The following EXOC6B variants were observed in gnomAD, a reference collection of about 807,000 sequenced individuals.
EXOC6B encodes SEC15 homolog B.
Under a neutral mutation model 113.5 loss-of-function variants are expected in EXOC6B, and 54 were observed. That is an observed-to-expected ratio of 0.48 (90% CI 0.38 to 0.60). The LOEUF is 0.60. Ranked by LOEUF, EXOC6B falls within the 20% of genes least tolerant of loss-of-function variation. EXOC6B has a pLI of 0.00. For synonymous variants in EXOC6B, 357 were observed against 339.0 expected (o/e 1.05, Z -0.58); for missense variants, 797 against 977.5 (o/e 0.82, Z 2.46).
chr2:72,215,062 A>T (rs1680437274), intron 20 of EXOC6B, among the ~76,000 whole-genome samples: 1 of 152,168 alleles, frequency 6.6e-6, no homozygotes, highest in Non-Finnish European at 1.5e-5. Context: ...TATATTGGAA[A>T]TGGGGAGCAA....
In EXOC6B at chr2:72,589,016, TA is replaced by T. The variant is rs559919311; in HGVS notation, c.670-13349del. On this transcript the variant is annotated intron_variant, in intron 6 of 21. Transcript: ENST00000272427. ...TAGGAAAGTAAAAAATTAAAAGAAT[TA>T]CTATGAAGAAACAAAAGGCAGTGAC... Among the ~76,000 whole-genome samples, 221 of 152,016 alleles carry T rather than the reference TA, an allele frequency of 1.5e-3. 2 individuals are homozygous for T. Among genetic ancestry groups the T allele is most frequent in the African/African-American group, 5.1e-3 (211 of 41,526 alleles).
At chr2:72,753,974 C>G (rs952670906) in intron 1 of EXOC6B, among the ~76,000 whole-genome samples, 2 of 152,146 alleles carry the variant, frequency 1.3e-5, no homozygotes, top group African/African-American at 2.4e-5. Context: ...GACAGGGTCT[C>G]ACTCTGTGTC....
chr2:72,594,632 A>C (rs989502283), intron 6 of EXOC6B, among the ~76,000 whole-genome samples: 1 of 152,174 alleles, frequency 6.6e-6, no homozygotes, highest in African/African-American at 2.4e-5. Flanking sequence ...ATTACTGCCA[A>C]CTTATTCATT....
At chr2:72,261,098 T>C (rs1683685318) in intron 20 of EXOC6B, among the ~76,000 whole-genome samples, 1 of 151,996 alleles carries the variant, frequency 6.6e-6, no homozygotes, top group East Asian at 1.9e-4. Flanking sequence ...AAGTAATCAC[T>C]CCAAATGACC....
At chr2:72,485,392 T>G (rs1456932144) in intron 16 of EXOC6B, among the ~76,000 whole-genome samples, 1 of 152,180 alleles carries the variant, frequency 6.6e-6, no homozygotes, top group Non-Finnish European at 1.5e-5. Flanking sequence ...AAATGAGAAG[T>G]CACACTCTTC....
At chr2:72,513,308 T>C in intron 10 of EXOC6B, 56 bp from the exon 11 acceptor site, 2 of 1,598,146 alleles carry the variant, frequency 1.3e-6, no homozygotes, top group Non-Finnish European at 1.7e-6. Flanking sequence ...TTTATTACTC[T>C]CTCTGGGGTT....
chr2:72,463,356 T>C (rs923616853), intron 18 of EXOC6B: 1 of 151,960 alleles, frequency 6.6e-6, no homozygotes, highest in East Asian at 1.9e-4. Context: ...GTAAAACATG[T>C]AGAAAAAACA....
chr2:72,808,830 T>C (rs1490566293), intron 1 of EXOC6B, among the ~76,000 whole-genome samples: 3 of 151,970 alleles, frequency 2.0e-5, no homozygotes, highest in African/African-American at 7.3e-5. Flanking sequence ...TCCAACACTT[T>C]GGGAGGCAGA....
chr2:72,336,603 T>C (rs1171941326), intron 19 of EXOC6B, among the ~76,000 whole-genome samples: 1 of 152,256 alleles, frequency 6.6e-6, no homozygotes, highest in Non-Finnish European at 1.5e-5. Flanking sequence ...ATAAATTATA[T>C]GGCATGCTTG....
chr2:72,799,766 C>G (rs1367579557), intron 1 of EXOC6B, among the ~76,000 whole-genome samples: 2 of 152,058 alleles, frequency 1.3e-5, no homozygotes, highest in East Asian at 3.9e-4. Context: ...CAAAGTTTCT[C>G]ACTATTTTAA....
intron 6 of EXOC6B, among the ~76,000 whole-genome samples, chr2:72,647,775 T>C (rs552543821): frequency 6.6e-6 from 1 of 152,144 alleles, no homozygotes; most frequent in Non-Finnish European, 1.5e-5. Flanking sequence ...ATACAAAAAT[T>C]AATTCAAGAT....
chr2:72,357,689 TA>T (rs148273222), intron 19 of EXOC6B, among the ~76,000 whole-genome samples: 136 of 146,440 alleles, frequency 9.3e-4, no homozygotes, highest in East Asian at 1.8e-3. Context: ...AGACTGCCTT[TA>T]AAAAAAAAAA....
chr2:72,551,591 G>A (rs11903526), intron 8 of EXOC6B, among the ~76,000 whole-genome samples: 1,709 of 150,266 alleles, frequency 0.011, 42 homozygotes, highest in African/African-American at 0.04. Flanking sequence ...TGCAAGCTCC[G>A]CCTCCCGGGT....
chr2:72,647,990 G>A (rs1673864468), intron 6 of EXOC6B, among the ~76,000 whole-genome samples: 1 of 152,122 alleles, frequency 6.6e-6, no homozygotes, highest in African/African-American at 2.4e-5. Flanking sequence ...AGAGTGAACA[G>A]GAAACCTACA....
chr2:72,781,910 G>A (rs917239126), intron 1 of EXOC6B, among the ~76,000 whole-genome samples: 2 of 152,046 alleles, frequency 1.3e-5, no homozygotes, highest in Admixed American at 6.6e-5. Context: ...AGGCCGAGGT[G>A]GGAGGATCAT....
intron 1 of EXOC6B, among the ~76,000 whole-genome samples, chr2:72,788,228 T>C (rs1205574863): frequency 6.6e-6 from 1 of 152,190 alleles, no homozygotes; most frequent in African/African-American, 2.4e-5. Context: ...ATATGTAAAA[T>C]TGATTAAAAC....
At chr2:72,401,534 T>TGAAAAAGAATGAA (rs1693202007) in intron 18 of EXOC6B, among the ~76,000 whole-genome samples, 1 of 32,524 alleles carries the variant, frequency 3.1e-5, no homozygotes, top group Non-Finnish European at 4.6e-5. Context: ...CATATATATA[T>TGAAAAAGAATGAA]ATATATATAT....
intron 6 of EXOC6B, among the ~76,000 whole-genome samples, chr2:72,695,344 G>A (rs898600525): frequency 1.3e-5 from 2 of 152,258 alleles, no homozygotes; most frequent in East Asian, 1.9e-4. Context: ...GCAAATTCAC[G>A]TACATCAGGA....
At position 72,718,285 on chromosome 2, in the gene EXOC6B, G is replaced by C; in HGVS notation, c.487C>G (p.Leu163Val). ...AGGTAGGTATGCTCTAGATGTTCCA[G>C]AGTTTTCAGTGCAGGATAATGCCTA... is the stretch of plus-strand genomic sequence containing the variant. ...TKRHYPALKT[L>V]EHLEHTYLPQ... The change falls in exon 6 of 22, where the codon CTG (leucine) becomes GTG (valine). Residue 163 changes from leucine (L) to valine (V), a missense_variant. Transcript: ENST00000272427. 1.2e-6 allele frequency: 2 copies of C among 1,613,732 alleles called. No individual in the cohort carries two copies. Among genetic ancestry groups the C allele is most frequent in the Non-Finnish European group, 1.7e-6 (2 of 1,179,728 alleles).
Sources: allele counts gnomAD v4.1 joint callset (sites outside exome capture counted in the v4.1 genomes callset), GRCh38; gene constraint gnomAD v4.1.1; transcripts MANE v1.5; gene names NCBI Gene and HGNC (gene_info 2026-07-23, HGNC 2026-07-21).